The following CORO6 variants were observed in gnomAD, a reference collection of about 807,000 sequenced individuals.
CORO6 encodes the protein coronin-6.
In CORO6, 43 loss-of-function variants were observed where a neutral mutation model predicts 49.0. The observed-to-expected ratio is 0.88, with a 90% CI of 0.69 to 1.13. CORO6 has a LOEUF of 1.13. Ranked by LOEUF, CORO6 falls within the 50% of genes most tolerant of loss-of-function variation. CORO6 has a pLI of 0.00. For synonymous variants in CORO6, 233 were observed against 256.5 expected (o/e 0.91, Z 0.88); for missense variants, 650 against 647.0 (o/e 1.00, Z -0.05).
At position 29,620,118 on chromosome 17, in the gene CORO6, G is replaced by A. The variant is rs563767409; in HGVS notation, c.199-345C>T. On this transcript the variant is annotated intron_variant, in intron 2 of 10. Coordinates refer to ENST00000388767, the MANE Select transcript of CORO6 (RefSeq NM_032854.4). ...CCTGTTCTCCTATTGAAGTGTCTGT[G>A]GGAATCTCCTGGTGGAAGAGGTCAA... Among the ~76,000 whole-genome samples the A allele has an allele frequency of 5.3e-5, 8 of 152,330 alleles. No homozygotes were observed. The South Asian group carries it at 8.3e-4, about 16-fold the overall frequency.
chr17:29,618,272 A>T, intron 5 of CORO6: 1 of 1,306,422 alleles, frequency 7.7e-7, no homozygotes. Flanking sequence ...CCCGCACCCC[A>T]GGTTAGACTT....
intron 5 of CORO6, chr17:29,618,488 C>T: frequency 7.6e-7 from 1 of 1,309,258 alleles, no homozygotes; most frequent in Non-Finnish European, 9.7e-7. Flanking sequence ...CATGCAGGTT[C>T]TGGTGGGAGG....
intron 5 of CORO6, chr17:29,618,000 A>G (rs751180601): frequency 4.5e-4 from 635 of 1,400,848 alleles, no homozygotes; most frequent in Non-Finnish European, 5.5e-4. Context: ...CGCTCCCGGC[A>G]GACCCAGAGA....
intron 5 of CORO6, chr17:29,617,989 G>C: frequency 7.4e-7 from 1 of 1,356,100 alleles, no homozygotes; most frequent in East Asian, 2.9e-5. Context: ...GCCCGGGAAG[G>C]CGCTCCCGGC....
In CORO6 at chr17:29,615,957, G is replaced by C; in HGVS notation, c.1281C>G (p.Asp427Glu). ...GGGCCGATCTTACCGACAAGGGGGC[G>C]TCGCTGGCCGACTGGCTGCGGCGGG... The part of the protein sequence containing the change: ...SGPRRSQSAS[D>E]APLSQQHTLE... Residue 427 changes from aspartate (D) to glutamate (E), a missense_variant, in exon 10 of 11, where the codon GAC (aspartate) becomes GAG (glutamate). Physicochemically the swap from Asp to Glu is conservative, Grantham distance 45. Transcript: ENST00000388767. 1 of 1,582,530 alleles carries C rather than the reference G, an allele frequency of 6.3e-7. No individual in the cohort carries two copies. The highest frequency in any genetic ancestry group is 8.6e-7 in the Non-Finnish European group (1 of 1,163,000).
intron 6 of CORO6, 71 bp downstream of exon 6, chr17:29,617,428 TG>T: frequency 1.3e-6 from 2 of 1,552,798 alleles, no homozygotes; most frequent in Non-Finnish European, 1.7e-6. Flanking sequence ...GCCCTGCGGG[TG>T]GGGGGCGCCT....
Position 29,622,889 on chromosome 17 carries a change from C to T in CORO6, c.-265G>A. The T allele has an allele frequency of 2.4e-6, 3 of 1,274,498 alleles. No homozygotes were observed. Among genetic ancestry groups the T allele is most frequent in the African/African-American group, 3.3e-5 (2 of 60,078 alleles). The allele number at this position is 1,274,498 out of a possible 1,614,324, so 78.9% of individuals were successfully genotyped here. A position where few individuals can be genotyped will look rare whatever the true frequency, so the allele number is the denominator to read the frequency against. On this transcript the variant is annotated 5_prime_UTR_variant, in exon 1 of 11. Coordinates refer to ENST00000388767, the MANE Select transcript of CORO6 (RefSeq NM_032854.4). ...CCCGGCGCCGCTGCAGCCCCAGCTG[C>T]CGCTGCCATCAACCTAAGAGGGCGG...
chr17:29,622,879 GC>G lies in CORO6; in HGVS notation c.-256del. The G allele has an allele frequency of 7.8e-7, 1 of 1,288,438 alleles. No homozygotes were observed. The allele number at this position is 1,288,438 out of a possible 1,614,324, so 79.8% of individuals were successfully genotyped here. A position where few individuals can be genotyped will look rare whatever the true frequency, so the allele number is the denominator to read the frequency against. On this transcript the variant is annotated 5_prime_UTR_variant, in exon 1 of 11. It introduces an in-frame stop codon into an upstream open reading frame of the 5' UTR. Transcript: ENST00000388767. ...CTCTCTAGAGCCCGGCGCCGCTGCAGCCCCAGCTGCCGCTGCCATCAACCTA... is the reference window on the plus strand; with the variant it reads ...CTCTCTAGAGCCCGGCGCCGCTGCAGCCCAGCTGCCGCTGCCATCAACCTA...
rs554000087 is a variant in CORO6, at chr17:29,616,068, C to T, written c.1170G>A (p.Ser390=). 3 of 1,612,846 alleles carry T rather than the reference C, an allele frequency of 1.9e-6. No individual in the cohort carries two copies. The highest frequency in any genetic ancestry group is 1.7e-5 in the Admixed American group (1 of 60,008). ...SGQDAEPVLI[S]LRDGYVPPKH... is the part of the protein sequence containing the mutation. ...TGGGGGGCACATAGCCGTCCCTCAG[C>T]GAAATGAGCACGGGTTCGGCGTCCT... is the stretch of plus-strand genomic sequence containing the variant. The change falls in exon 10 of 11, where the codon TCG becomes TCA. Residue 390 remains serine (S), a synonymous_variant. Coordinates refer to ENST00000388767, the MANE Select transcript of CORO6 (RefSeq NM_032854.4). This position sits in a 1 kb window ranked among gnomAD's most constrained non-coding sequence, Gnocchi z 5.6.
In CORO6 at chr17:29,618,650, G is replaced by C. The variant is rs559552685; in HGVS notation, c.633+140C>G. The C allele has an allele frequency of 3.5e-6, 5 of 1,432,502 alleles. No homozygotes were observed. The East Asian group carries it at 1.3e-4, about 36-fold the overall frequency. The allele number at this position is 1,432,502 out of a possible 1,614,324, so 88.7% of individuals were successfully genotyped here. A position where few individuals can be genotyped will look rare whatever the true frequency, so the allele number is the denominator to read the frequency against. On this transcript the variant is annotated intron_variant, in intron 5 of 10. Coordinates refer to ENST00000388767, the MANE Select transcript of CORO6 (RefSeq NM_032854.4). The stretch of plus-strand genomic sequence containing the variant: ...GCAGAGACCTGTGGTTGCAGAGACG[G>C]GGGAAGGGGGCTAGTCTCTGGAGCA...
chr17:29,620,489 AC>A (rs961099451), intron 2 of CORO6, among the ~76,000 whole-genome samples: 4 of 152,156 alleles, frequency 2.6e-5, no homozygotes, highest in African/African-American at 9.7e-5. Flanking sequence ...GGGGTGAGTC[AC>A]TGGCTTTTTC....
chr17:29,616,778 T>G lies in CORO6; in HGVS notation c.928A>C (p.Ser310Arg), dbSNP rs774248959. ...PPFVHYLNTFSSKEPQRGMGF... is the reference protein window; with the variant it reads ...PPFVHYLNTFRSKEPQRGMGF... Reference sequence around the variant, plus strand: ...ATGCCCCGCTGCGGCTCTTTGCTGCTGAACGTGTTCAGGTAGTGCACGAAA... The same window carrying G: ...ATGCCCCGCTGCGGCTCTTTGCTGCGGAACGTGTTCAGGTAGTGCACGAAA... Residue 310 changes from serine to arginine, a missense_variant, in exon 8 of 11, where the codon AGC becomes CGC. Physicochemically the swap from Ser to Arg is moderately radical, Grantham distance 110 (BLOSUM62 -1). Coordinates refer to ENST00000388767, the MANE Select transcript of CORO6 (RefSeq NM_032854.4). This position sits in a 1 kb window ranked among gnomAD's most constrained non-coding sequence, Gnocchi z 5.6. 1 of 1,613,970 alleles carries G rather than the reference T, an allele frequency of 6.2e-7. No homozygotes were observed. The highest frequency in any genetic ancestry group is 2.2e-5 in the East Asian group (1 of 44,874).
Position 29,621,431 on chromosome 17 carries a change from C to A in CORO6, c.-10G>T, listed in dbSNP as rs775400353. The A allele has an allele frequency of 1.9e-6, 3 of 1,596,470 alleles. No individual in the cohort carries two copies. The highest frequency in any genetic ancestry group is 3.5e-5 in the Admixed American group (2 of 56,874). ...CCACACGTCTGCTCATAGCTGCAGG[C>A]AGAGAGGTAGGATCTCAGTGCCCAG... On this transcript the variant is annotated 5_prime_UTR_variant, in exon 2 of 11. Transcript: ENST00000388767. This position sits in a 1 kb window ranked among gnomAD's most constrained non-coding sequence, Gnocchi z 4.2.
Position 29,621,148 on chromosome 17 carries a change from T to G in CORO6, c.198+76A>C. 4 of 1,559,172 alleles carry G rather than the reference T, an allele frequency of 2.6e-6. No individual in the cohort carries two copies. Among genetic ancestry groups the G allele is most frequent in the Non-Finnish European group, 3.5e-6 (4 of 1,141,006 alleles). On this transcript the variant is annotated intron_variant, in intron 2 of 10. Transcript: ENST00000388767. This position sits in a 1 kb window ranked among gnomAD's most constrained non-coding sequence, Gnocchi z 4.2. ...CTCCTGACTATGGAATGGAACTAGG[T>G]GAGAACAAAGGCTCAGGAGTTCCCA...
At chr17:29,617,195 TCTC>T (rs762399585) in intron 6 of CORO6, 153 bp from the exon 7 acceptor site, 14 of 1,539,110 alleles carry the variant, frequency 9.1e-6, no homozygotes, top group Middle Eastern at 3.3e-4. Context: ...TGGGCACATC[TCTC>T]CTCCTCCCCT....
chr17:29,619,037 G>C (rs752191034), intron 4 of CORO6, 23 bp downstream of exon 4: 5 of 1,612,094 alleles, frequency 3.1e-6, no homozygotes, highest in Non-Finnish European at 4.2e-6. Context: ...CATCTATGGG[G>C]GACCCCTCCT....
intron 5 of CORO6, 97 bp from the exon 6 acceptor site, chr17:29,617,716 G>A: frequency 7.6e-7 from 1 of 1,321,886 alleles, no homozygotes; most frequent in Admixed American, 2.7e-5. Context: ...GGGTGTCCGG[G>A]GTGGAGGAGC....
intron 3 of CORO6, 58 bp from the exon 4 acceptor site, chr17:29,619,247 C>CTCCT: frequency 6.3e-7 from 1 of 1,589,904 alleles, no homozygotes; most frequent in Non-Finnish European, 8.5e-7. Flanking sequence ...TGTCCCTCCA[C>CTCCT]TCCTTCCCTA....
chr17:29,617,890 G>A (rs772940477), intron 5 of CORO6: 3 of 711,128 alleles, frequency 4.2e-6, no homozygotes, highest in East Asian at 6.5e-5. Flanking sequence ...CCTAGAGCAG[G>A]GGTGTCTGCT....
Sources: gnomAD v4.1 joint callset for allele counts (sites outside exome capture counted in the v4.1 genomes callset) on GRCh38, gnomAD v4.1.1 for gene constraint, Gnocchi (gnomAD v3.1) non-coding constraint, MANE v1.5 for transcripts, NCBI Gene and HGNC (gene_info 2026-07-23, HGNC 2026-07-21) for gene names.